Variants in MORC1 observed in about 807,000 individuals in gnomAD.
The protein encoded by MORC1 is MORC family CW-type zinc finger 1.
Under a neutral mutation model 134.9 loss-of-function variants are expected in MORC1, and 59 were observed. The observed-to-expected ratio is 0.44, with a 90% CI of 0.35 to 0.54. MORC1 has a LOEUF of 0.54. Ranked by LOEUF, MORC1 falls within the 20% of genes least tolerant of loss-of-function variation. The pLI, the probability that MORC1 is intolerant of heterozygous loss-of-function variation, is 0.00. For missense variants in MORC1, 947 were observed against 1,134.5 expected, an observed-to-expected ratio of 0.83 and a Z score of 2.37; for synonymous variants, 395 against 391.7, an observed-to-expected ratio of 1.01 and a Z score of -0.10.
intron 3 of MORC1, among the ~76,000 whole-genome samples, chr3:109,108,279 T>C (rs767648903): frequency 4.6e-5 from 7 of 152,166 alleles, no homozygotes; most frequent in Non-Finnish European, 8.8e-5. Flanking sequence ...TTAGAGAAAG[T>C]AGGGTGAAAT....
At chr3:108,963,385 T>C in intron 27 of MORC1, 29 bp downstream of exon 27, 2 of 1,581,234 alleles carry the variant, frequency 1.3e-6, no homozygotes, top group Non-Finnish European at 1.7e-6. Context: ...AGTCTACTCC[T>C]ACTGCTCAAA....
chr3:108,986,069 A>T (rs551000893), intron 22 of MORC1, among the ~76,000 whole-genome samples: 1 of 152,266 alleles, frequency 6.6e-6, no homozygotes, highest in East Asian at 1.9e-4. Flanking sequence ...CATGGCATGG[A>T]TTGATAAAGA....
chr3:109,024,873 T>C (rs1287563759), intron 17 of MORC1, among the ~76,000 whole-genome samples: 1 of 152,248 alleles, frequency 6.6e-6, no homozygotes. Flanking sequence ...CCTGTTTTTC[T>C]AGCTTTCCCA....
At chr3:108,982,285 G>A (rs368842012) in intron 23 of MORC1, among the ~76,000 whole-genome samples, 6 of 152,240 alleles carry the variant, frequency 3.9e-5, no homozygotes, top group East Asian at 1.9e-4. Context: ...AAACAGGAAC[G>A]CTTTTACACT....
chr3:109,061,981 G>A lies in MORC1; in HGVS notation c.966+7C>T. Reference sequence around the variant, plus strand: ...TTTAATAAGACTACTCTCTTTACATGTCGTACCTTGGCAGAAGATAAAGAG... The same window carrying A: ...TTTAATAAGACTACTCTCTTTACATATCGTACCTTGGCAGAAGATAAAGAG... On this transcript the variant is annotated splice_region_variant and intron_variant, in intron 11 of 27. Transcript: ENST00000232603. 1 of 1,612,576 alleles carries A rather than the reference G, an allele frequency of 6.2e-7. No homozygotes were observed. Among genetic ancestry groups the A allele is most frequent in the South Asian group, 1.1e-5 (1 of 91,048 alleles).
chr3:109,006,681 T>C (rs1346781674), intron 18 of MORC1, among the ~76,000 whole-genome samples: 2 of 152,134 alleles, frequency 1.3e-5, no homozygotes, highest in East Asian at 1.9e-4. Context: ...CAAGAAATGA[T>C]ATAGGAACTA....
intron 3 of MORC1, among the ~76,000 whole-genome samples, chr3:109,108,959 T>C (rs1445316178): frequency 6.6e-6 from 1 of 151,944 alleles, no homozygotes; most frequent in Non-Finnish European, 1.5e-5. Flanking sequence ...CTCAAAGTTC[T>C]TCAGTGGTCC....
intron 21 of MORC1, among the ~76,000 whole-genome samples, chr3:108,997,211 G>T (rs1046463478): frequency 2.0e-5 from 3 of 151,942 alleles, no homozygotes; most frequent in Non-Finnish European, 2.9e-5. Flanking sequence ...TGGGAAAAGA[G>T]GAAACAAGAA....
intron 8 of MORC1, among the ~76,000 whole-genome samples, chr3:109,072,308 A>G (rs1950335822): frequency 6.6e-6 from 1 of 151,920 alleles, no homozygotes; most frequent in Non-Finnish European, 1.5e-5. Context: ...TTCTTCAGCC[A>G]CTCTTGCTTG....
At chr3:108,975,692 G>A (rs1349045863) in intron 24 of MORC1, among the ~76,000 whole-genome samples, 1 of 152,150 alleles carries the variant, frequency 6.6e-6, no homozygotes, top group Non-Finnish European at 1.5e-5. Flanking sequence ...TAAGATGACT[G>A]AGCTATCATA....
chr3:108,995,837 A>C (rs1948187579), intron 21 of MORC1, among the ~76,000 whole-genome samples: 1 of 152,198 alleles, frequency 6.6e-6, no homozygotes, highest in Admixed American at 6.5e-5. Flanking sequence ...TGCCCATCTA[A>C]AAAACTTTGG....
chr3:108,990,519 C>T (rs1239700819), intron 21 of MORC1, among the ~76,000 whole-genome samples: 1 of 152,172 alleles, frequency 6.6e-6, no homozygotes, highest in African/African-American at 2.4e-5. Context: ...GGTCACTCTA[C>T]CTAAAATTGC....
At chr3:109,023,333 G>C (rs1458826958) in intron 17 of MORC1, among the ~76,000 whole-genome samples, 1 of 152,224 alleles carries the variant, frequency 6.6e-6, no homozygotes, top group Non-Finnish European at 1.5e-5. Context: ...TCAGATTATA[G>C]ACAGCCTGGG....
In MORC1 at chr3:108,971,321, CCAG is replaced by C. The variant is rs1241269067; in HGVS notation, c.2550+6_2550+8del. The stretch of plus-strand genomic sequence containing the variant: ...CATTCCCTCACAGTTCCAAAAAAAA[CCAG>C]CTTACCTCACAACTTAATGCAGGTT... On this transcript the variant is annotated splice_donor_region_variant and intron_variant, in intron 25 of 27. Coordinates refer to ENST00000232603, the MANE Select transcript of MORC1 (RefSeq NM_014429.4). The C allele has an allele frequency of 6.2e-7, 1 of 1,611,332 alleles. No homozygotes were observed. The highest frequency in any genetic ancestry group is 8.5e-7 in the Non-Finnish European group (1 of 1,178,408).
intron 21 of MORC1, among the ~76,000 whole-genome samples, chr3:108,987,659 T>C (rs1576600250): frequency 6.6e-6 from 1 of 151,536 alleles, no homozygotes. Flanking sequence ...ATTTGAGGGG[T>C]GGAATGTACC....
intron 3 of MORC1, 59 bp downstream of exon 3, chr3:109,110,690 C>A (rs950431495): frequency 1.4e-5 from 19 of 1,351,486 alleles, no homozygotes; most frequent in Non-Finnish European, 1.8e-5. Context: ...AAAATACAAG[C>A]AAAATAACTA....
intron 23 of MORC1, among the ~76,000 whole-genome samples, chr3:108,980,178 C>T (rs1048203653): frequency 7.9e-4 from 120 of 152,140 alleles, no homozygotes; most frequent in African/African-American, 2.8e-3. Context: ...CCTACATAGT[C>T]CTTTAGAAAT....
chr3:109,015,363 T>C (rs908370913), intron 17 of MORC1, among the ~76,000 whole-genome samples: 3 of 152,172 alleles, frequency 2.0e-5, no homozygotes, highest in Non-Finnish European at 4.4e-5. Context: ...TAGAAGATTA[T>C]ACCATAGTCA....
At chr3:109,034,310 T>G (rs1039761171) in intron 15 of MORC1, among the ~76,000 whole-genome samples, 1 of 152,352 alleles carries the variant, frequency 6.6e-6, no homozygotes, top group Admixed American at 6.5e-5. Context: ...TTTTACACAC[T>G]ATAGGCTGCT....
Sources: allele counts gnomAD v4.1 joint callset (sites outside exome capture counted in the v4.1 genomes callset), GRCh38; gene constraint gnomAD v4.1.1; transcripts MANE v1.5; gene names NCBI Gene and HGNC (gene_info 2026-07-23, HGNC 2026-07-21).